The following ZC3H12B variants were observed in gnomAD, a reference collection of about 807,000 sequenced individuals.
The protein encoded by ZC3H12B is probable ribonuclease ZC3H12B.
In ZC3H12B, 7 loss-of-function variants were observed where a neutral mutation model predicts 43.9. The observed-to-expected ratio is 0.16, with a 90% CI of 0.09 to 0.30. The LOEUF is 0.30. Ranked by LOEUF, ZC3H12B falls within the 10% of genes least tolerant of loss-of-function variation. ZC3H12B has a pLI of 1.00. For missense variants in ZC3H12B, 475 were observed against 670.2 expected, an observed-to-expected ratio of 0.71 and a Z score of 3.22; for synonymous variants, 222 against 241.7, an observed-to-expected ratio of 0.92 and a Z score of 0.76.
chrX:65,411,786 CAA>C (rs35058588), intron 3 of ZC3H12B, among the ~76,000 whole-genome samples: 15,516 of 108,595 alleles, frequency 0.14, 2,712 homozygotes, highest in African/African-American at 0.49. Context: ...GTTAGTAACA[CAA>C]AGGATAAATG....
At chrX:65,475,986 T>C (rs2067987138) in intron 3 of ZC3H12B, among the ~76,000 whole-genome samples, 1 of 112,595 alleles carries the variant, frequency 8.9e-6, no homozygotes, top group South Asian at 3.7e-4. Flanking sequence ...AGGAATCCAC[T>C]GATAGTCTTA....
chrX:65,262,943 G>T, the ZC3H12B span, among the ~76,000 whole-genome samples: 1 of 110,230 alleles, frequency 9.1e-6, no homozygotes, highest in African/African-American at 3.3e-5. Flanking sequence ...CTAAGACATG[G>T]TCTACATAGT....
the ZC3H12B span, among the ~76,000 whole-genome samples, chrX:65,343,422 T>A: frequency 9.0e-6 from 1 of 111,151 alleles, no homozygotes; most frequent in Non-Finnish European, 1.9e-5. Flanking sequence ...GATGCAAAAA[T>A]CCACAACAAA....
At chrX:65,376,444 G>T (rs1347771384) in intron 2 of ZC3H12B, among the ~76,000 whole-genome samples, 1 of 111,374 alleles carries the variant, frequency 9.0e-6, no homozygotes, top group Non-Finnish European at 1.9e-5. Flanking sequence ...TAGCCAGAGA[G>T]TGGTTACAAT....
At chrX:65,317,683 T>C in the ZC3H12B span, among the ~76,000 whole-genome samples, 7 of 107,310 alleles carry the variant, frequency 6.5e-5, no homozygotes, top group Admixed American at 6.1e-4. Flanking sequence ...TCCAATTCCA[T>C]CCAGGTTGCT....
intron 3 of ZC3H12B, among the ~76,000 whole-genome samples, chrX:65,428,424 C>T (rs1414663957): frequency 8.9e-6 from 1 of 112,247 alleles, no homozygotes; most frequent in Non-Finnish European, 1.9e-5. Flanking sequence ...TCTACATAAT[C>T]CCATATTTCT....
At chrX:65,467,472 G>A (rs1312547856) in intron 3 of ZC3H12B, among the ~76,000 whole-genome samples, 1 of 111,532 alleles carries the variant, frequency 9.0e-6, no homozygotes, top group East Asian at 2.8e-4. Flanking sequence ...ATACCCAGTA[G>A]TGGGATTGCT....
chrX:65,264,797 A>T, the ZC3H12B span, among the ~76,000 whole-genome samples: 1 of 111,884 alleles, frequency 8.9e-6, no homozygotes, highest in African/African-American at 3.2e-5. Flanking sequence ...ACCATAGTAC[A>T]GGTCTGCTGG....
the ZC3H12B span, among the ~76,000 whole-genome samples, chrX:65,193,902 G>A: frequency 7.2e-5 from 8 of 111,559 alleles, no homozygotes; most frequent in African/African-American, 2.6e-4. Flanking sequence ...TCCACAGGGT[G>A]TACAAGAACC....
At chrX:65,381,073 G>A (rs2066431643) in intron 2 of ZC3H12B, among the ~76,000 whole-genome samples, 1 of 110,946 alleles carries the variant, frequency 9.0e-6, no homozygotes, top group South Asian at 3.8e-4. Flanking sequence ...AGATACCCAG[G>A]AATTGAACTC....
chrX:65,306,342 G>C, the ZC3H12B span, among the ~76,000 whole-genome samples: 4 of 111,905 alleles, frequency 3.6e-5, no homozygotes, highest in African/African-American at 6.5e-5. Context: ...CACTGATATA[G>C]ATTCAGCCAT....
the ZC3H12B span, among the ~76,000 whole-genome samples, chrX:65,191,779 G>GT: frequency 1.8e-5 from 2 of 109,384 alleles, no homozygotes; most frequent in South Asian, 4.0e-4. Flanking sequence ...TTTTTGAAGG[G>GT]TTTTTTATGT....
the ZC3H12B span, among the ~76,000 whole-genome samples, chrX:65,061,989 C>A: frequency 8.9e-6 from 1 of 112,097 alleles, no homozygotes; most frequent in African/African-American, 3.2e-5. Context: ...CTGTTCATAT[C>A]CTTTGTCCAC....
the ZC3H12B span, among the ~76,000 whole-genome samples, chrX:65,069,356 A>C: frequency 9.4e-6 from 1 of 106,884 alleles, no homozygotes; most frequent in Non-Finnish European, 1.9e-5. Context: ...GTATATTTTA[A>C]AATAACCTGT....
chrX:65,477,687 G>A (rs1169885654), intron 3 of ZC3H12B, among the ~76,000 whole-genome samples: 4 of 110,165 alleles, frequency 3.6e-5, no homozygotes, highest in Admixed American at 1.9e-4. Flanking sequence ...ACTTGAACAC[G>A]GGAGGCGGAG....
At chrX:65,173,921 C>G in the ZC3H12B span, among the ~76,000 whole-genome samples, 2 of 110,719 alleles carry the variant, frequency 1.8e-5, no homozygotes, top group Non-Finnish European at 3.8e-5. Flanking sequence ...GGATGGGGTT[C>G]TTATGTGGGG....
the ZC3H12B span, among the ~76,000 whole-genome samples, chrX:65,308,212 A>G: frequency 2.7e-5 from 3 of 110,471 alleles, no homozygotes; most frequent in African/African-American, 9.9e-5. Context: ...GAATAAAATT[A>G]GAAAACAACT....
the ZC3H12B span, among the ~76,000 whole-genome samples, chrX:65,233,481 A>T: frequency 2.7e-5 from 3 of 110,623 alleles, no homozygotes; most frequent in South Asian, 1.1e-3. Flanking sequence ...AAATTAAACA[A>T]ATGTGCTCCT....
the ZC3H12B span, among the ~76,000 whole-genome samples, chrX:65,064,189 T>C: frequency 4.5e-5 from 5 of 111,729 alleles, no homozygotes; most frequent in African/African-American, 6.5e-5. Flanking sequence ...TCTTGTCTTC[T>C]GCTAGCTTTT....
Sources: allele counts gnomAD v4.1 joint callset (sites outside exome capture counted in the v4.1 genomes callset), GRCh38; gene constraint gnomAD v4.1.1; transcripts MANE v1.5; gene names NCBI Gene and HGNC (gene_info 2026-07-23, HGNC 2026-07-21).